The following DYNC1LI2 variants were observed in gnomAD, a reference collection of about 807,000 sequenced individuals.
DYNC1LI2 encodes dynein cytoplasmic 1 light intermediate chain 2.
In DYNC1LI2, 19 loss-of-function variants were observed where a neutral mutation model predicts 57.8. That is an observed-to-expected ratio of 0.33 (90% CI 0.23 to 0.48). The LOEUF (loss-of-function observed/expected upper bound fraction) is 0.48. DYNC1LI2 is among the 20% of genes least tolerant of loss of function. The pLI, the probability that DYNC1LI2 is intolerant of heterozygous loss-of-function variation, is 0.99. For missense variants in DYNC1LI2, 470 were observed against 604.2 expected, an observed-to-expected ratio of 0.78 and a Z score of 2.33; for synonymous variants, 256 against 233.4, an observed-to-expected ratio of 1.10 and a Z score of -0.88.
intron 8 of DYNC1LI2, 104 bp from the exon 9 acceptor site, chr16:66,729,203 G>T: frequency 7.9e-7 from 1 of 1,258,198 alleles, no homozygotes; most frequent in Non-Finnish European, 1.2e-6. Flanking sequence ...TTCAACACAG[G>T]TCTGGGAGAT....
intron 3 of DYNC1LI2, among the ~76,000 whole-genome samples, chr16:66,745,570 G>A (rs1490576261): frequency 4.0e-5 from 6 of 150,662 alleles, no homozygotes; most frequent in Admixed American, 6.6e-5. Flanking sequence ...GAGCCACCGC[G>A]CCCGGCCTAT....
At chr16:66,732,112 G>T (rs147393211) in intron 7 of DYNC1LI2, 1 of 496,002 alleles carries the variant, frequency 2.0e-6, no homozygotes. Flanking sequence ...GGCTGGCTTA[G>T]GTTTTGGCAA....
intron 9 of DYNC1LI2, among the ~76,000 whole-genome samples, chr16:66,728,718 G>A (rs920788989): frequency 7.9e-5 from 12 of 152,198 alleles, no homozygotes; most frequent in Non-Finnish European, 2.9e-5. Flanking sequence ...AATAATGGAA[G>A]TGTGGTCAGG....
At chr16:66,739,925 T>C (rs924633904) in intron 4 of DYNC1LI2, among the ~76,000 whole-genome samples, 3 of 152,208 alleles carry the variant, frequency 2.0e-5, no homozygotes, top group Non-Finnish European at 4.4e-5. Flanking sequence ...TCAGCCCACT[T>C]GGGGCTTCCC....
intron 4 of DYNC1LI2, among the ~76,000 whole-genome samples, chr16:66,738,581 T>C (rs2017779634): frequency 6.6e-6 from 1 of 152,048 alleles, no homozygotes; most frequent in Non-Finnish European, 1.5e-5. Flanking sequence ...CTCATTCATA[T>C]ACCTTCACTG....
chr16:66,725,708 A>T, intron 12 of DYNC1LI2, 120 bp downstream of exon 12: 1 of 956,386 alleles, frequency 1.0e-6, no homozygotes, highest in Non-Finnish European at 1.6e-6. Context: ...GGAAATGAAG[A>T]CCTGCTTCCT....
Position 66,728,211 on chromosome 16 carries a change from G to A in DYNC1LI2, c.1133C>T (p.Thr378Met), listed in dbSNP as rs148968848. The change falls in exon 10 of 13, where the codon ACG becomes ATG. Residue 378 changes from threonine (T) to methionine (M), a missense_variant. Thr to Met is a moderately conservative substitution (Grantham distance 81, BLOSUM62 -1). Transcript: ENST00000258198. ...SLLAKQPATPTRASESPARGP... is the reference protein window; with the variant it reads ...SLLAKQPATPMRASESPARGP... ...GTGTAAGGTACTCACAGAAGCTCTC[G>A]TGGGAGTGGCTGGTTGCTTGGCAAG... 222 of 1,614,024 alleles carry A rather than the reference G, an allele frequency of 1.4e-4. No homozygotes were observed. Among genetic ancestry groups the A allele is most frequent in the Non-Finnish European group, 1.8e-4 (208 of 1,180,028 alleles).
intron 4 of DYNC1LI2, among the ~76,000 whole-genome samples, chr16:66,738,649 G>A (rs2017781684): frequency 6.6e-6 from 1 of 151,876 alleles, no homozygotes; most frequent in African/African-American, 2.4e-5. Flanking sequence ...GGCCAAGGCG[G>A]GTGGATCATG....
At chr16:66,743,928 C>A (rs1476923160) in intron 3 of DYNC1LI2, among the ~76,000 whole-genome samples, 1 of 152,034 alleles carries the variant, frequency 6.6e-6, no homozygotes, top group Non-Finnish European at 1.5e-5. Flanking sequence ...TTAAAAAATT[C>A]TTATCTTAGA....
At chr16:66,733,217 T>A (rs898713110) in intron 6 of DYNC1LI2, 24 of 152,346 alleles carry the variant, frequency 1.6e-4, no homozygotes, top group African/African-American at 4.6e-4. Flanking sequence ...AATTTGATGA[T>A]AAAATGATCA....
At chr16:66,736,049 C>T in intron 5 of DYNC1LI2, 26 bp downstream of exon 5, 2 of 1,602,292 alleles carry the variant, frequency 1.2e-6, no homozygotes, top group Non-Finnish European at 1.7e-6. Context: ...CGAACCCAGC[C>T]AAGCCAACAA....
At position 66,751,225 on chromosome 16, in the gene DYNC1LI2, C is replaced by A. The variant is rs2018043598; in HGVS notation, c.181+48G>T. On this transcript the variant is annotated intron_variant, in intron 2 of 12. Coordinates refer to ENST00000258198, the MANE Select transcript of DYNC1LI2 (RefSeq NM_006141.3). This position sits in a 1 kb window ranked among gnomAD's most constrained non-coding sequence, Gnocchi z 5.2. ...GGGGACCTGAGGGAGGGGCGCCCGCCTCGCCCACCCCAGCGACCTGGGGCA... is the reference window on the plus strand; with the variant it reads ...GGGGACCTGAGGGAGGGGCGCCCGCATCGCCCACCCCAGCGACCTGGGGCA... 1 of 1,590,342 alleles carries A rather than the reference C, an allele frequency of 6.3e-7. No homozygotes were observed. Among genetic ancestry groups the A allele is most frequent in the Non-Finnish European group, 8.6e-7 (1 of 1,168,104 alleles).
Position 66,749,202 on chromosome 16 carries a change from C to G in DYNC1LI2, c.293G>C (p.Arg98Pro). ...YLYLSVHDED[R>P]DDHTRCNVWI... ...GGGACCAATGCTTCACTCACCATCT[C>G]GGTCCTCATCATGGACACTGAGGTA... The change falls in exon 3 of 13, where the codon CGA (arginine) becomes CCA (proline). Residue 98 changes from arginine (R) to proline (P), a missense_variant. Physicochemically the swap from Arg to Pro is moderately radical, Grantham distance 103. Transcript: ENST00000258198. The G allele has an allele frequency of 6.2e-7, 1 of 1,614,072 alleles. No individual in the cohort carries two copies. The highest frequency in any genetic ancestry group is 8.5e-7 in the Non-Finnish European group (1 of 1,179,924).
intron 3 of DYNC1LI2, among the ~76,000 whole-genome samples, chr16:66,744,006 G>A (rs1033392176): frequency 1.3e-5 from 2 of 152,112 alleles, no homozygotes; most frequent in African/African-American, 4.8e-5. Context: ...ATCTAGTGGG[G>A]AGTAAACAGA....
intron 6 of DYNC1LI2, chr16:66,733,411 T>C (rs1481537638): frequency 6.6e-6 from 1 of 151,426 alleles, no homozygotes; most frequent in Non-Finnish European, 1.5e-5. Context: ...AATACAAAAA[T>C]TATCCAGATG....
At position 66,742,667 on chromosome 16, in the gene DYNC1LI2, A is replaced by G; in HGVS notation, c.300T>C (p.Asp100=). ...YLSVHDEDRD[D]HTRCNVWILD... is the part of the protein sequence containing the mutation. ...GAATCCACACGTTGCAGCGCGTGTG[A>G]TCTGAGAAAACAAGTGAATGAAGCT... Residue 100 remains aspartate (D), a splice_region_variant and synonymous_variant, in exon 4 of 13, where the codon GAT becomes GAC. Coordinates refer to ENST00000258198, the MANE Select transcript of DYNC1LI2 (RefSeq NM_006141.3). 1 of 1,613,894 alleles carries G rather than the reference A, an allele frequency of 6.2e-7. No homozygotes were observed. The highest frequency in any genetic ancestry group is 8.5e-7 in the Non-Finnish European group (1 of 1,179,844).
rs966572761 is a variant in DYNC1LI2, at chr16:66,721,047, A to C, written c.*2675T>G. On this transcript the variant is annotated 3_prime_UTR_variant, in exon 13 of 13. Coordinates refer to ENST00000258198, the MANE Select transcript of DYNC1LI2 (RefSeq NM_006141.3). ...CTGGTGGGGGATAATCTGCAGTCTT[A>C]CTTTTAAGTTAGAAACACCAATAAA... is the stretch of plus-strand genomic sequence containing the variant. 1.3e-5 allele frequency: 2 copies of C among 152,680 alleles called. No individual in the cohort carries two copies. The highest frequency in any genetic ancestry group is 2.9e-5 in the Non-Finnish European group (2 of 68,050). The allele number at this position is 152,680 out of a possible 1,614,324, so 9.5% of individuals were successfully genotyped here.
chr16:66,751,179 G>A lies in DYNC1LI2; in HGVS notation c.181+94C>T. The A allele has an allele frequency of 1.1e-5, 15 of 1,397,442 alleles. No homozygotes were observed. The highest frequency in any genetic ancestry group is 1.4e-5 in the Non-Finnish European group (15 of 1,034,980). 86.6% of individuals were successfully genotyped at this position (1,397,442 alleles called of 1,614,324 possible). A position where few individuals can be genotyped will look rare whatever the true frequency, so the allele number is the denominator to read the frequency against. On this transcript the variant is annotated intron_variant, in intron 2 of 12. Transcript: ENST00000258198. The surrounding 1 kb of genome is among the most constrained non-coding windows in gnomAD (Gnocchi z 5.2). ...TCCCTTTCCCGCCAGGCTGCGGGCA[G>A]GCGGCTGGAACGGGGAAGGCGGGGA...
At position 66,751,446 on chromosome 16, in the gene DYNC1LI2, G is replaced by A. The variant is rs750069790; in HGVS notation, c.107+39C>T. 6.3e-7 allele frequency: 1 copy of A among 1,578,674 alleles called. No individual in the cohort carries two copies. Among genetic ancestry groups the A allele is most frequent in the Non-Finnish European group, 8.6e-7 (1 of 1,166,536 alleles). On this transcript the variant is annotated intron_variant, in intron 1 of 12. Transcript: ENST00000258198. The surrounding 1 kb of genome is among the most constrained non-coding windows in gnomAD (Gnocchi z 5.2). ...TGTCCGACGGTCCGGCCCAGAGGCCGCGCCCCCCACGGCCCGGCCCGACCG... is the reference window on the plus strand; with the variant it reads ...TGTCCGACGGTCCGGCCCAGAGGCCACGCCCCCCACGGCCCGGCCCGACCG...
Sources: gnomAD v4.1 joint callset for allele counts (sites outside exome capture counted in the v4.1 genomes callset) on GRCh38, gnomAD v4.1.1 for gene constraint, Gnocchi (gnomAD v3.1) non-coding constraint, MANE v1.5 for transcripts, NCBI Gene and HGNC (gene_info 2026-07-23, HGNC 2026-07-21) for gene names.